The following RARB variants were observed in gnomAD, a reference collection of about 807,000 sequenced individuals.
The protein encoded by RARB is HBV-activated protein.
RARB carries 17 observed loss-of-function variants against 51.9 expected under a neutral mutation model. The observed-to-expected ratio is 0.33, with a 90% CI of 0.22 to 0.49. RARB has a LOEUF of 0.49. RARB is among the 20% of genes least tolerant of loss of function. The pLI is 0.99. For missense variants in RARB, 369 were observed against 550.8 expected, an observed-to-expected ratio of 0.67 and a Z score of 3.30; for synonymous variants, 215 against 195.4, an observed-to-expected ratio of 1.10 and a Z score of -0.84.
intron 2 of RARB, among the ~76,000 whole-genome samples, chr3:25,462,707 G>C (rs1206664906): frequency 6.6e-6 from 1 of 152,202 alleles, no homozygotes; most frequent in African/African-American, 2.4e-5. Context: ...GACTTGGCTA[G>C]GCTCCACCAT....
chr3:25,186,583 G>A lies in RARB; in HGVS notation c.178+12008G>A, dbSNP rs1008519448. Among the ~76,000 whole-genome samples, 6 of 152,026 alleles carry A rather than the reference G, an allele frequency of 3.9e-5. No homozygotes were observed. In the South Asian group the frequency reaches 1.2e-3, roughly 31 times the overall value. On this transcript the variant is annotated intron_variant, in intron 5 of 11. Coordinates refer to the RARB transcript ENST00000383772. ...AAATAAGTGGTATATTCACTAAATT[G>A]AATATTATTCATCAGTGAAAATTTA...
At chr3:24,906,007 G>C (rs895481173) in intron 2 of RARB, among the ~76,000 whole-genome samples, 1 of 152,116 alleles carries the variant, frequency 6.6e-6, no homozygotes, top group Non-Finnish European at 1.5e-5. Flanking sequence ...ACAAGGCATA[G>C]GTAAGATAAG....
rs577184992 is a variant in RARB, at chr3:24,838,158, C to A, written c.-459+8755C>A. Among the ~76,000 whole-genome samples the A allele has an allele frequency of 2.0e-5, 3 of 152,280 alleles. No individual in the cohort carries two copies. In the South Asian group the frequency reaches 6.2e-4, roughly 32 times the overall value. On this transcript the variant is annotated intron_variant, in intron 1 of 11. Transcript: ENST00000383772. Reference sequence around the variant, plus strand: ...TTTTAGAGCCATTCTTTGGCTCTATCTTTCTTCAAAGTCAGCAACAGTGAG... The same window carrying A: ...TTTTAGAGCCATTCTTTGGCTCTATATTTCTTCAAAGTCAGCAACAGTGAG...
intron 2 of RARB, among the ~76,000 whole-genome samples, chr3:25,041,967 G>A (rs530986647): frequency 3.9e-5 from 6 of 152,220 alleles, no homozygotes; most frequent in African/African-American, 1.4e-4. Context: ...TCACAAATCC[G>A]CTGTCCCCAG....
In RARB at chr3:25,053,750, C is replaced by T. The variant is rs191717110; in HGVS notation, c.-379-6375C>T. On this transcript the variant is annotated intron_variant, in intron 2 of 11. Transcript: ENST00000383772. ...CTTTGAATGTTAGGTGAAAAAATTT[C>T]TGTAGAGTTTCTGTAGAGTACCCAA... 3.4e-3 allele frequency among the ~76,000 whole-genome samples: 518 copies of T among 152,220 alleles called. 2 individuals are homozygous for T. The highest frequency in any genetic ancestry group is 0.012 in the African/African-American group (490 of 41,540).
chr3:25,142,619 G>C (rs1700126837), intron 4 of RARB, among the ~76,000 whole-genome samples: 1 of 148,488 alleles, frequency 6.7e-6, no homozygotes, highest in Non-Finnish European at 1.5e-5. Flanking sequence ...TATCCCATCT[G>C]TGTCATATCT....
chr3:24,927,759 T>A (rs1398526085), intron 2 of RARB, among the ~76,000 whole-genome samples: 1 of 152,078 alleles, frequency 6.6e-6, no homozygotes, highest in Non-Finnish European at 1.5e-5. Flanking sequence ...GCGTATTTTT[T>A]AAAATAGAAT....
At chr3:24,960,081 T>A (rs1192120135) in intron 2 of RARB, among the ~76,000 whole-genome samples, 1 of 152,172 alleles carries the variant, frequency 6.6e-6, no homozygotes, top group East Asian at 1.9e-4. Context: ...GAACTGAACA[T>A]GTGGAGACCT....
intron 5 of RARB, among the ~76,000 whole-genome samples, chr3:25,278,188 G>A (rs773782385): frequency 2.0e-5 from 3 of 152,126 alleles, no homozygotes; most frequent in Non-Finnish European, 2.9e-5. Context: ...GTGGTGGTTG[G>A]CGGTACATGT....
intron 1 of RARB, among the ~76,000 whole-genome samples, chr3:25,453,278 G>A (rs952155904): frequency 6.8e-5 from 8 of 118,326 alleles, no homozygotes; most frequent in Admixed American, 1.1e-4. Context: ...AGACAGTTTC[G>A]CTCTTGCTGT....
At chr3:25,507,249 A>T (rs2125615183) in intron 3 of RARB, among the ~76,000 whole-genome samples, 1 of 152,328 alleles carries the variant, frequency 6.6e-6, no homozygotes, top group Non-Finnish European at 1.5e-5. Context: ...CGGTGAAGTT[A>T]GATTGATCAA....
chr3:25,458,649 A>G (rs1695028798), intron 1 of RARB, among the ~76,000 whole-genome samples: 2 of 152,170 alleles, frequency 1.3e-5, no homozygotes, highest in African/African-American at 2.4e-5. Flanking sequence ...TGCCAGAAAT[A>G]ATGTACTCAA....
chr3:25,384,087 CCTTAA>C (rs1706717022), intron 5 of RARB, among the ~76,000 whole-genome samples: 3 of 151,996 alleles, frequency 2.0e-5, no homozygotes, highest in Admixed American at 6.6e-5. Flanking sequence ...ACTTCTGTCC[CCTTAA>C]CTTCTTGAAA....
intron 2 of RARB, among the ~76,000 whole-genome samples, chr3:25,030,519 T>C (rs17015632): frequency 0.025 from 3,760 of 152,354 alleles, 114 homozygotes; most frequent in African/African-American, 0.062. Flanking sequence ...GAAAACATTT[T>C]TGAGGTTTAA....
At chr3:25,032,355 A>C (rs1697893521) in intron 2 of RARB, among the ~76,000 whole-genome samples, 2 of 152,254 alleles carry the variant, frequency 1.3e-5, no homozygotes, top group Admixed American at 1.3e-4. Context: ...CCTATGGGCT[A>C]TGAAAATTAG....
intron 3 of RARB, among the ~76,000 whole-genome samples, chr3:25,567,384 A>G (rs1232769380): frequency 2.0e-5 from 3 of 149,590 alleles, no homozygotes; most frequent in Non-Finnish European, 4.4e-5. Context: ...GGACATCCAT[A>G]TAATTTAGAA....
At chr3:25,266,148 T>C (rs558129060) in intron 5 of RARB, among the ~76,000 whole-genome samples, 3 of 152,296 alleles carry the variant, frequency 2.0e-5, no homozygotes, top group Admixed American at 6.5e-5. Context: ...AAATATCATA[T>C]AACCTAACAT....
In RARB at chr3:24,928,540, T is replaced by G. The variant is rs913882035; in HGVS notation, c.-380+69788T>G. 3.3e-5 allele frequency among the ~76,000 whole-genome samples: 5 copies of G among 152,228 alleles called. 1 individual carries two copies. In the South Asian group the frequency reaches 1.0e-3, roughly 32 times the overall value. On this transcript the variant is annotated intron_variant, in intron 2 of 11. Transcript: ENST00000383772. ...AATGATTGATTATTCCTTTTTGTTC[T>G]GTAATCTTAATTATTTTTAATTTAG...
At chr3:25,293,863 A>G (rs1703851520) in intron 5 of RARB, among the ~76,000 whole-genome samples, 1 of 152,132 alleles carries the variant, frequency 6.6e-6, no homozygotes, top group African/African-American at 2.4e-5. Context: ...GCATTTTTGA[A>G]ATTCAAGCCA....
Sources: allele counts gnomAD v4.1 joint callset (sites outside exome capture counted in the v4.1 genomes callset), GRCh38; gene constraint gnomAD v4.1.1; transcripts MANE v1.5; gene names NCBI Gene and HGNC (gene_info 2026-07-23, HGNC 2026-07-21).